The following WASF3 variants were observed in gnomAD, a reference collection of about 807,000 sequenced individuals.
The protein encoded by WASF3 is WASP family member 3.
WASF3 carries 11 observed loss-of-function variants against 46.6 expected under a neutral mutation model. The observed-to-expected ratio is 0.24, with a 90% confidence interval of 0.15 to 0.39. The LOEUF is 0.39. WASF3 is among the 10% of genes least tolerant of loss of function. WASF3 has a pLI of 1.00. For synonymous variants in WASF3, 242 were observed against 259.7 expected (o/e 0.93, Z 0.65); for missense variants, 576 against 669.8 (o/e 0.86, Z 1.55).
upstream of WASF3, among the ~76,000 whole-genome samples, chr13:26,555,819 CAAGATTCTGT>C: frequency 6.6e-6 from 1 of 152,316 alleles, no homozygotes; most frequent in East Asian, 1.9e-4. Context: ...CACTTTTAGT[CAAGATTCTGT>C]TACAGGTCAC....
chr13:26,644,948 C>A (rs1173101631), intron 3 of WASF3, among the ~76,000 whole-genome samples: 1 of 152,176 alleles, frequency 6.6e-6, no homozygotes, highest in East Asian at 1.9e-4. Flanking sequence ...CTTGGGTGTC[C>A]TCACAGTGAC....
chr13:26,646,044 A>G (rs1358700690), intron 3 of WASF3, among the ~76,000 whole-genome samples: 1 of 152,238 alleles, frequency 6.6e-6, no homozygotes, highest in Non-Finnish European at 1.5e-5. Flanking sequence ...GAAGTTAACC[A>G]CATTTATAAT....
chr13:26,554,092 C>CTTTCT (rs1443126879), upstream of WASF3, among the ~76,000 whole-genome samples: 459 of 22,960 alleles, frequency 0.02, 6 homozygotes, highest in East Asian at 0.029. Context: ...TCCTTCCTTC[C>CTTTCT]TTCCTTCTTT....
At chr13:26,681,400 T>G in intron 8 of WASF3, 80 bp downstream of exon 8, 1 of 1,470,256 alleles carries the variant, frequency 6.8e-7, no homozygotes, top group Non-Finnish European at 9.1e-7. Flanking sequence ...GAATTTTAAC[T>G]CCGGTATTTT....
At chr13:26,587,381 G>T (rs1411142768) in intron 1 of WASF3, among the ~76,000 whole-genome samples, 1 of 151,798 alleles carries the variant, frequency 6.6e-6, no homozygotes, top group Non-Finnish European at 1.5e-5. Flanking sequence ...GCTACACAGT[G>T]GAGGGAAACT....
At chr13:26,554,103 CTT>C (rs1277899521), upstream of WASF3, among the ~76,000 whole-genome samples, 6 of 110,102 alleles carry the variant, frequency 5.4e-5, no homozygotes, top group African/African-American at 2.4e-4. Context: ...TTCCTTCTTT[CTT>C]TCTTTCTTTC....
chr13:26,577,365 TCCGCCAA>T, intron 1 of WASF3: 1 of 766,668 alleles, frequency 1.3e-6, no homozygotes, highest in Non-Finnish European at 2.4e-6. Context: ...CACCAACAGG[TCCGCCAA>T]ATCCGGAAGA....
intron 8 of WASF3, among the ~76,000 whole-genome samples, chr13:26,681,838 G>A (rs561700517): frequency 6.6e-6 from 1 of 151,978 alleles, no homozygotes; most frequent in Non-Finnish European, 1.5e-5. Context: ...ATGTTCAGGC[G>A]TTTATCAATT....
chr13:26,630,594 A>G (rs1342539666), intron 2 of WASF3, among the ~76,000 whole-genome samples: 2 of 152,170 alleles, frequency 1.3e-5, no homozygotes, highest in Non-Finnish European at 2.9e-5. Context: ...AGTCTTTGCT[A>G]TTGTGAATAG....
At chr13:26,612,095 G>A (rs944337615) in intron 1 of WASF3, among the ~76,000 whole-genome samples, 1 of 152,100 alleles carries the variant, frequency 6.6e-6, no homozygotes, top group Non-Finnish European at 1.5e-5. Context: ...CTGTTCTCTC[G>A]CTTTCTTGCG....
chr13:26,573,880 G>T (rs1326591662), intron 1 of WASF3, among the ~76,000 whole-genome samples: 16 of 151,868 alleles, frequency 1.1e-4, no homozygotes. Flanking sequence ...ATTGAGTTTT[G>T]TCTGCTTTTG....
chr13:26,670,431 G>A (rs1480127395), intron 5 of WASF3, among the ~76,000 whole-genome samples: 6 of 152,038 alleles, frequency 3.9e-5, no homozygotes, highest in Non-Finnish European at 8.8e-5. Context: ...AACCACCATG[G>A]CACATATACC....
the WASF3 span, among the ~76,000 whole-genome samples, chr13:26,548,877 T>C: frequency 6.6e-6 from 1 of 152,118 alleles, no homozygotes; most frequent in African/African-American, 2.4e-5. Context: ...CTTCTATGCT[T>C]CTACTTGATT....
At chr13:26,542,500 T>C in the WASF3 span, among the ~76,000 whole-genome samples, 1 of 152,240 alleles carries the variant, frequency 6.6e-6, no homozygotes, top group South Asian at 2.1e-4. Context: ...CCTACATGTC[T>C]TGGCAAATAA....
At position 26,676,612 on chromosome 13, in the gene WASF3, C is replaced by G. The variant is rs770264821; in HGVS notation, c.604C>G (p.Arg202Gly). The part of the protein sequence containing the change: ...VKKVRKARNR[R>G]QEWNMMAYDK... ...AAAGGTTAGAAAAGCCAGAAACAGG[C>G]GCCAGGAGTGGAATATGATGGCATA... is the stretch of plus-strand genomic sequence containing the variant. The change falls in exon 7 of 10, where the codon CGC becomes GGC. Residue 202 changes from arginine (R) to glycine (G), a missense_variant. Transcript: ENST00000335327. 6.2e-7 allele frequency: 1 copy of G among 1,614,074 alleles called. No homozygotes were observed. The highest frequency in any genetic ancestry group is 8.5e-7 in the Non-Finnish European group (1 of 1,180,002).
At chr13:26,585,862 A>C (rs1263720783) in intron 1 of WASF3, among the ~76,000 whole-genome samples, 5 of 152,188 alleles carry the variant, frequency 3.3e-5, no homozygotes, top group Non-Finnish European at 5.9e-5. Context: ...GACAGTTTCT[A>C]ATGTGAGTGG....
chr13:26,566,969 A>AAT (rs1879485095), intron 1 of WASF3, among the ~76,000 whole-genome samples: 1 of 152,194 alleles, frequency 6.6e-6, no homozygotes, highest in African/African-American at 2.4e-5. Flanking sequence ...TCTTTTCCTT[A>AAT]ATATGTCCCC....
intron 2 of WASF3, among the ~76,000 whole-genome samples, chr13:26,624,924 A>G (rs1881419783): frequency 2.6e-5 from 4 of 152,092 alleles, no homozygotes; most frequent in Admixed American, 2.6e-4. Context: ...AAGGCCAAAT[A>G]AAGAATGTTT....
intron 7 of WASF3, 23 bp from the exon 8 acceptor site, chr13:26,681,031 C>T (rs756162101): frequency 1.0e-5 from 16 of 1,580,276 alleles, no homozygotes; most frequent in Admixed American, 1.8e-5. Flanking sequence ...AAATTTCTCC[C>T]ACCTCTTGTT....
Sources: allele counts gnomAD v4.1 joint callset (sites outside exome capture counted in the v4.1 genomes callset), GRCh38; gene constraint gnomAD v4.1.1; transcripts MANE v1.5; gene names NCBI Gene and HGNC (gene_info 2026-07-23, HGNC 2026-07-21).